SYT9: variants seen among roughly 807,000 people sequenced by gnomAD.
SYT9 encodes the protein synaptotagmin 9.
SYT9 carries 22 observed loss-of-function variants against 48.4 expected under a neutral mutation model. That is an observed-to-expected ratio of 0.45 (90% CI 0.32 to 0.65). The LOEUF (loss-of-function observed/expected upper bound fraction) is 0.65. Ranked by LOEUF, SYT9 falls within the 30% of genes least tolerant of loss-of-function variation. The probability of loss-of-function intolerance (pLI) is 0.03; values close to 1 mark genes in which losing one functional copy is unlikely to be tolerated. For synonymous variants in SYT9, 265 were observed against 245.0 expected, an observed-to-expected ratio of 1.08 and a Z score of -0.76; for missense variants, 577 against 622.0, an observed-to-expected ratio of 0.93 and a Z score of 0.77.
intron 6 of SYT9, chr11:7,436,071 C>G (rs1224833009): frequency 1.3e-5 from 2 of 152,116 alleles, no homozygotes; most frequent in Admixed American, 1.3e-4. Context: ...ATAGGAGAAA[C>G]AGATCTGGGC....
At chr11:7,305,600 G>A (rs533629873) in intron 2 of SYT9, among the ~76,000 whole-genome samples, 13 of 152,084 alleles carry the variant, frequency 8.5e-5, no homozygotes, top group Non-Finnish European at 1.5e-4. Context: ...TAACATTTTC[G>A]ATACCCATAT....
chr11:7,284,779 G>A (rs549782212), intron 1 of SYT9, among the ~76,000 whole-genome samples: 2 of 152,158 alleles, frequency 1.3e-5, no homozygotes, highest in South Asian at 4.1e-4. Context: ...TCCATTGTCT[G>A]TTTTCTCTTC....
chr11:7,460,915 G>A (rs1275600615), intron 6 of SYT9, among the ~76,000 whole-genome samples: 1 of 152,250 alleles, frequency 6.6e-6, no homozygotes, highest in South Asian at 2.1e-4. Context: ...TGAAATTACA[G>A]AGATGACCAG....
intron 3 of SYT9, among the ~76,000 whole-genome samples, chr11:7,334,394 A>T (rs1029398934): frequency 6.6e-6 from 1 of 152,216 alleles, no homozygotes; most frequent in African/African-American, 2.4e-5. Context: ...CTATTATAGA[A>T]GGCCACTCGC....
chr11:7,250,867 G>A (rs1347318071), upstream of SYT9, among the ~76,000 whole-genome samples: 1 of 151,974 alleles, frequency 6.6e-6, no homozygotes, highest in East Asian at 1.9e-4. Context: ...TAGAGTGGGG[G>A]CCTGAACACC....
intron 3 of SYT9, among the ~76,000 whole-genome samples, chr11:7,360,446 A>G (rs1319950336): frequency 6.6e-6 from 1 of 152,142 alleles, no homozygotes; most frequent in African/African-American, 2.4e-5. Context: ...CTTGGGCAGT[A>G]TGGCCATTTT....
At chr11:7,328,345 T>C (rs1849472171) in intron 3 of SYT9, among the ~76,000 whole-genome samples, 1 of 152,108 alleles carries the variant, frequency 6.6e-6, no homozygotes, top group South Asian at 2.1e-4. Flanking sequence ...AATTTTTAAA[T>C]ATTTTTCTTC....
At chr11:7,387,536 T>C (rs888115547) in intron 3 of SYT9, among the ~76,000 whole-genome samples, 1 of 152,200 alleles carries the variant, frequency 6.6e-6, no homozygotes, top group Admixed American at 6.6e-5. Flanking sequence ...GAATTCTTTG[T>C]GCCAAAACTT....
chr11:7,304,235 G>A (rs1848994660), intron 2 of SYT9, among the ~76,000 whole-genome samples: 1 of 152,200 alleles, frequency 6.6e-6, no homozygotes. Context: ...CAAAATGTGA[G>A]CTGCCATTTT....
At chr11:7,335,847 C>A (rs902038835) in intron 3 of SYT9, among the ~76,000 whole-genome samples, 1 of 152,056 alleles carries the variant, frequency 6.6e-6, no homozygotes, top group Admixed American at 6.6e-5. Context: ...ATTTATATTC[C>A]TCTGGGTATA....
At chr11:7,347,843 C>T (rs1316083895) in intron 3 of SYT9, among the ~76,000 whole-genome samples, 1 of 152,086 alleles carries the variant, frequency 6.6e-6, no homozygotes, top group African/African-American at 2.4e-5. Flanking sequence ...GTTCTTTCAA[C>T]AGACAGGCTC....
At chr11:7,264,053 A>G (rs552552249) in intron 1 of SYT9, among the ~76,000 whole-genome samples, 1 of 152,228 alleles carries the variant, frequency 6.6e-6, no homozygotes, top group African/African-American at 2.4e-5. Context: ...GTTTATTGTC[A>G]TGAAGTCAGG....
intron 3 of SYT9, among the ~76,000 whole-genome samples, chr11:7,334,143 G>A (rs1487849): frequency 0.016 from 2,378 of 152,286 alleles, 31 homozygotes; most frequent in South Asian, 0.035. Flanking sequence ...GACAGGAACA[G>A]TTTTGGCAAG....
intron 3 of SYT9, among the ~76,000 whole-genome samples, chr11:7,404,648 G>A (rs923209791): frequency 6.6e-5 from 10 of 152,150 alleles, no homozygotes; most frequent in East Asian, 5.8e-4. Flanking sequence ...TCTCAATATC[G>A]ATTTTTCAAC....
At chr11:7,247,183 A>T (rs983162236), upstream of SYT9, among the ~76,000 whole-genome samples, 1 of 152,094 alleles carries the variant, frequency 6.6e-6, no homozygotes, top group Non-Finnish European at 1.5e-5. Flanking sequence ...GATTTGTGAG[A>T]TATTGGTGCA....
chr11:7,257,646 A>C (rs755916742), intron 1 of SYT9, among the ~76,000 whole-genome samples: 4 of 152,138 alleles, frequency 2.6e-5, no homozygotes, highest in Non-Finnish European at 4.4e-5. Context: ...TTATGAATAG[A>C]CCTTGGTGTG....
At chr11:7,420,708 A>G (rs1847337934) in intron 6 of SYT9, 73 bp downstream of exon 6, 1 of 1,579,440 alleles carries the variant, frequency 6.3e-7, no homozygotes, top group Non-Finnish European at 8.7e-7. Flanking sequence ...GGAGCTGCCA[A>G]ACATATGAGT....
chr11:7,240,468 T>A lies in SYT9; in HGVS notation c.49+1552T>A, dbSNP rs572834486. 2.6e-5 allele frequency among the ~76,000 whole-genome samples: 4 copies of A among 152,276 alleles called. No individual in the cohort carries two copies. In the South Asian group the frequency reaches 8.3e-4, roughly 32 times the overall value. On this transcript the variant is annotated intron_variant and NMD_transcript_variant, in intron 1 of 8. Transcript: ENST00000524820. The stretch of plus-strand genomic sequence containing the variant: ...TGTCTACTGTTTTTTTCTTGAATAA[T>A]ATATGCAAGACATTTTCCTCATAAA...
intron 3 of SYT9, among the ~76,000 whole-genome samples, chr11:7,339,581 A>G (rs1761001112): frequency 6.6e-6 from 1 of 152,158 alleles, no homozygotes; most frequent in Admixed American, 6.6e-5. Context: ...TGCTTGTCGG[A>G]AAAGGATCTT....
Sources: allele counts gnomAD v4.1 joint callset (sites outside exome capture counted in the v4.1 genomes callset), GRCh38; gene constraint gnomAD v4.1.1; transcripts MANE v1.5; gene names NCBI Gene and HGNC (gene_info 2026-07-23, HGNC 2026-07-21).